MMD2: variants seen among roughly 807,000 people sequenced by gnomAD.
MMD2 encodes monocyte to macrophage differentiation associated 2.
MMD2 carries 30 observed loss-of-function variants against 33.5 expected under a neutral mutation model. The observed-to-expected ratio is 0.90, with a 90% CI of 0.67 to 1.22. The LOEUF (loss-of-function observed/expected upper bound fraction) is 1.22, where lower values mean the gene tolerates loss of function less well. Among genes scored for constraint, MMD2 ranks in the 50% most tolerant of loss-of-function variants. The pLI is 0.00. For synonymous variants in MMD2, 129 were observed against 123.0 expected, an observed-to-expected ratio of 1.05 and a Z score of -0.32; for missense variants, 364 against 325.4, an observed-to-expected ratio of 1.12 and a Z score of -0.91.
At chr7:4,894,785 C>G in the MMD2 span, among the ~76,000 whole-genome samples, 1,226 of 152,228 alleles carry the variant, frequency 8.1e-3, 14 homozygotes, top group African/African-American at 0.029. The surrounding 1 kb of genome is among the most constrained non-coding windows in gnomAD (Gnocchi z 4.3). Flanking sequence ...GCAGCAGCCT[C>G]TACGCCCCTG....
At chr7:4,942,331 C>T (rs971245119) in intron 1 of MMD2, among the ~76,000 whole-genome samples, 1 of 151,824 alleles carries the variant, frequency 6.6e-6, no homozygotes, top group African/African-American at 2.4e-5. Flanking sequence ...AATACCTGGC[C>T]TCATGTGATT....
At chr7:4,924,081 A>G (rs1013823969) in intron 2 of MMD2, among the ~76,000 whole-genome samples, 2 of 152,100 alleles carry the variant, frequency 1.3e-5, no homozygotes, top group Non-Finnish European at 2.9e-5. Context: ...AGTCCCAGCT[A>G]CTCGGGAGGC....
intron 1 of MMD2, among the ~76,000 whole-genome samples, chr7:4,951,447 C>T (rs1207472363): frequency 5.9e-4 from 90 of 152,164 alleles, no homozygotes; most frequent in Non-Finnish European, 4.4e-5. Context: ...CTTCACCCCC[C>T]AATGGCCTCA....
rs139178414 is a variant in MMD2, at chr7:4,910,981, T to A, written c.467+164A>T. ...TGACAACTTCAAGTTGACCCTAGGG[T>A]CTGCAAGACCTGGTGGCCACCCATG... On this transcript the variant is annotated intron_variant, in intron 5 of 6. Transcript: ENST00000401401. Among the ~76,000 whole-genome samples the A allele has an allele frequency of 1.5e-4, 23 of 152,052 alleles. No homozygotes were observed. In the East Asian group the frequency reaches 4.5e-3, roughly 29 times the overall value.
rs1383314868 is a variant in MMD2 at position 4,940,468 on chromosome 7, G to A, written c.48-14936C>T. Among the ~76,000 whole-genome samples the A allele has an allele frequency of 2.6e-5, 4 of 152,162 alleles. No individual in the cohort carries two copies. The highest frequency in any genetic ancestry group is 4.8e-5 in the African/African-American group (2 of 41,452). On this transcript the variant is annotated intron_variant, in intron 1 of 6. Coordinates refer to ENST00000401401, the MANE Select transcript of MMD2 (RefSeq NM_198403.4). The surrounding 1 kb of genome is among the most constrained non-coding windows in gnomAD (Gnocchi z 5.0). The stretch of plus-strand genomic sequence containing the variant: ...GACAGAGGACTAGAGAGATTTGCCC[G>A]GGCTCCTACACAAAGGGGGTTCTGT...
At chr7:4,920,566 GCCTT>G (rs1043368244) in intron 2 of MMD2, among the ~76,000 whole-genome samples, 3 of 130,394 alleles carry the variant, frequency 2.3e-5, no homozygotes, top group African/African-American at 9.0e-5. Context: ...TTTCCTTCCA[GCCTT>G]CCTTCCTTCC....
chr7:4,940,915 G>A lies in MMD2; in HGVS notation c.48-15383C>T, dbSNP rs1252071622. Among the ~76,000 whole-genome samples the A allele has an allele frequency of 3.9e-5, 6 of 152,058 alleles. No homozygotes were observed. The highest frequency in any genetic ancestry group is 5.9e-5 in the Non-Finnish European group (4 of 68,002). On this transcript the variant is annotated intron_variant, in intron 1 of 6. Transcript: ENST00000401401. This position sits in a 1 kb window ranked among gnomAD's most constrained non-coding sequence, Gnocchi z 5.0. Reference sequence around the variant, plus strand: ...TCTGAGACCAGCTCCCAGCCTTGGCGCCCACCCTGTGGCTCCCCGGGAAAT... The same window carrying A: ...TCTGAGACCAGCTCCCAGCCTTGGCACCCACCCTGTGGCTCCCCGGGAAAT...
chr7:4,939,968 C>A (rs1039616480), intron 1 of MMD2, among the ~76,000 whole-genome samples: 3 of 152,176 alleles, frequency 2.0e-5, no homozygotes, highest in Non-Finnish European at 4.4e-5. Flanking sequence ...TCTCGAACTC[C>A]TGACCTCAAG....
the MMD2 span, among the ~76,000 whole-genome samples, chr7:4,897,429 T>C: frequency 6.6e-6 from 1 of 152,202 alleles, no homozygotes. Flanking sequence ...CAGGACATTT[T>C]TTTAAAAGTC....
chr7:4,948,043 A>G (rs560710895), intron 1 of MMD2, among the ~76,000 whole-genome samples: 22 of 152,010 alleles, frequency 1.4e-4, no homozygotes, highest in Non-Finnish European at 2.6e-4. Context: ...CTCATTCACT[A>G]TCTCAACCAA....
intron 1 of MMD2, among the ~76,000 whole-genome samples, chr7:4,947,130 C>A (rs907377820): frequency 2.0e-5 from 3 of 151,932 alleles, no homozygotes; most frequent in African/African-American, 7.2e-5. Context: ...ATCGCTTGAA[C>A]TCGGGAGGTG....
At chr7:4,929,352 A>C (rs1785513504) in intron 1 of MMD2, among the ~76,000 whole-genome samples, 1 of 151,962 alleles carries the variant, frequency 6.6e-6, no homozygotes, top group Admixed American at 6.6e-5. Context: ...GCAGACTGAA[A>C]ACTGGAATTA....
chr7:4,907,735 C>G, intron 6 of MMD2, 136 bp from the exon 7 acceptor site: 1 of 696,990 alleles, frequency 1.4e-6, no homozygotes, highest in East Asian at 2.7e-5. Flanking sequence ...TGGGAAGCCT[C>G]AACACTGACA....
chr7:4,939,746 T>TTTC lies in MMD2; in HGVS notation c.48-14215_48-14214insGAA, dbSNP rs1562491141. Among the ~76,000 whole-genome samples the TTTC allele has an allele frequency of 2.5e-4, 33 of 129,470 alleles. 1 individual carries two copies. The highest frequency in any genetic ancestry group is 8.9e-4 in the African/African-American group (29 of 32,504). The allele number at this position is 129,470 out of a possible 152,430, so 84.9% of individuals were successfully genotyped here. ...AATCTATTTCTTTCTTTCTTTCTTT[T>TTTC]TTTTTTTTTTTTGAGATGGAGTCCT... On this transcript the variant is annotated intron_variant, in intron 1 of 6. Coordinates refer to ENST00000401401, the MANE Select transcript of MMD2 (RefSeq NM_198403.4).
At chr7:4,930,362 G>C (rs187590060) in intron 1 of MMD2, among the ~76,000 whole-genome samples, 323 of 151,360 alleles carry the variant, frequency 2.1e-3, no homozygotes, top group Non-Finnish European at 3.9e-3. Context: ...AAAACAGGCC[G>C]GGCATGGTGG....
At chr7:4,930,875 G>T (rs376661423) in intron 1 of MMD2, among the ~76,000 whole-genome samples, 1 of 152,030 alleles carries the variant, frequency 6.6e-6, no homozygotes, top group Non-Finnish European at 1.5e-5. Flanking sequence ...ATTTGAGACC[G>T]AGTCTTGCTC....
chr7:4,903,131 G>A (rs1161154434), downstream of MMD2, among the ~76,000 whole-genome samples: 11 of 152,114 alleles, frequency 7.2e-5, no homozygotes, highest in Non-Finnish European at 1.0e-4. Context: ...CCAGCTACTC[G>A]AGAGGCTGAG....
At position 4,909,957 on chromosome 7, in the gene MMD2, G is replaced by A. The variant is rs1319700834; in HGVS notation, c.468-7C>T. 6.2e-7 allele frequency: 1 copy of A among 1,613,812 alleles called. No homozygotes were observed. Among genetic ancestry groups the A allele is most frequent in the Non-Finnish European group, 8.5e-7 (1 of 1,179,900 alleles). On this transcript the variant is annotated splice_region_variant and splice_polypyrimidine_tract_variant and intron_variant, in intron 5 of 6. Coordinates refer to ENST00000401401, the MANE Select transcript of MMD2 (RefSeq NM_198403.4). ...AAGCTCCACAAGCTTGTACCTGGCA[G>A]GAAGACAAGCCGTGCCGGCCTTAGG...
chr7:4,920,198 G>A lies in MMD2; in HGVS notation c.263C>T (p.Thr88Ile), dbSNP rs749446423. 120 of 1,569,556 alleles carry A rather than the reference G, an allele frequency of 7.6e-5. No individual in the cohort carries two copies. The highest frequency in any genetic ancestry group is 4.0e-4 in the Admixed American group (21 of 52,618). Residue 88 changes from threonine to isoleucine, a missense_variant, in exon 3 of 7, where the codon ACC becomes ATC. Transcript: ENST00000401401. Reference sequence around the variant, plus strand: ...GAGGTGGCTCTTCTTCCAGGAGATGGTGTGAAACACAGTGGACACCACGAA... The same window carrying A: ...GAGGTGGCTCTTCTTCCAGGAGATGATGTGAAACACAGTGGACACCACGAA... ...GLFVVSTVFH[T>I]ISWKKSHLRM...
Sources: allele counts gnomAD v4.1 joint callset (sites outside exome capture counted in the v4.1 genomes callset), GRCh38; gene constraint gnomAD v4.1.1; non-coding constraint Gnocchi (gnomAD v3.1); transcripts MANE v1.5; gene names NCBI Gene and HGNC (gene_info 2026-07-23, HGNC 2026-07-21).